Variants in SCARF2 observed in about 807,000 individuals in gnomAD.
SCARF2 encodes scavenger receptor class F member 2.
SCARF2 carries 39 observed loss-of-function variants against 73.4 expected under a neutral mutation model. The ratio of observed to expected loss-of-function variants is 0.53; its 90% CI spans 0.41 to 0.69. SCARF2 has a LOEUF of 0.69. Among genes scored for constraint, SCARF2 ranks in the 30% least tolerant of loss-of-function variants. The pLI is 0.00. For synonymous variants in SCARF2, 605 were observed against 590.0 expected (o/e 1.03, Z -0.37); for missense variants, 1,148 against 1,303.5 (o/e 0.88, Z 1.84).
At position 20,431,075 on chromosome 22, in the gene SCARF2, C is replaced by T. The variant is rs1453251462; in HGVS notation, c.797G>A (p.Gly266Asp). 2.6e-6 allele frequency: 4 copies of T among 1,546,644 alleles called. No individual in the cohort carries two copies. The highest frequency in any genetic ancestry group is 3.5e-6 in the Non-Finnish European group (4 of 1,153,092). ...GTCACEPGYR[G>D]KYCREPCPAG... Reference sequence around the variant, plus strand: ...GGGGCACGGCTCGCGACAGTACTTGCCGCGGTAGCCCGGCTCGCAGGCACA... The same window carrying T: ...GGGGCACGGCTCGCGACAGTACTTGTCGCGGTAGCCCGGCTCGCAGGCACA... Residue 266 changes from glycine (G) to aspartate (D), a missense_variant, in exon 4 of 11, where the codon GGC becomes GAC. Physicochemically the swap from Gly to Asp is moderately conservative, Grantham distance 94. This residue lies in a region of SCARF2 where 372 missense variants were observed against 532.0 expected (regional missense o/e 0.70). Coordinates refer to ENST00000622235, the MANE Select transcript of SCARF2 (RefSeq NM_182895.5).
intron 10 of SCARF2, among the ~76,000 whole-genome samples, chr22:20,426,753 C>G (rs1169066121): frequency 6.6e-6 from 1 of 150,462 alleles, no homozygotes; most frequent in African/African-American, 2.4e-5. Flanking sequence ...ATGGTGAAAC[C>G]CTGTCTCTAC....
At position 20,426,221 on chromosome 22, in the gene SCARF2, C is replaced by A; in HGVS notation, c.1755G>T (p.Pro585=). 6.5e-7 allele frequency: 1 copy of A among 1,532,308 alleles called. No individual in the cohort carries two copies. Among genetic ancestry groups the A allele is most frequent in the Non-Finnish European group, 8.7e-7 (1 of 1,145,492 alleles). 94.9% of individuals were successfully genotyped at this position (1,532,308 alleles called of 1,614,324 possible). Residue 585 remains proline, a synonymous_variant, in exon 11 of 11, where the codon CCG becomes CCT. Transcript: ENST00000622235. Reference sequence around the variant, plus strand: ...CTGGCGTGGTCAAGGGCACAGGGGACGGCGCCGGCGCCTCGGCAGGGACAG... The same window carrying A: ...CTGGCGTGGTCAAGGGCACAGGGGAAGGCGCCGGCGCCTCGGCAGGGACAG... ...VPTVPAEAPA[P]SPVPLTTPAS...
Position 20,429,524 on chromosome 22 carries a change from A to G in SCARF2, c.1424+12T>C. ...TGAACCCAGGCGAAAGCGGGGCAGT[A>G]TCTGGGCTCACCGGCGCGTAGGGTC... On this transcript the variant is annotated intron_variant, in intron 8 of 10. Transcript: ENST00000622235. This position sits in a 1 kb window ranked among gnomAD's most constrained non-coding sequence, Gnocchi z 5.2. The G allele has an allele frequency of 1.2e-6, 2 of 1,612,056 alleles. No individual in the cohort carries two copies. Among genetic ancestry groups the G allele is most frequent in the Non-Finnish European group, 1.7e-6 (2 of 1,179,562 alleles).
chr22:20,425,695 G>C lies in SCARF2; in HGVS notation c.2281C>G (p.Arg761Gly). The C allele has an allele frequency of 8.1e-7, 1 of 1,232,642 alleles. No individual in the cohort carries two copies. Among genetic ancestry groups the C allele is most frequent in the East Asian group, 3.2e-5 (1 of 30,788 alleles). The allele number at this position is 1,232,642 out of a possible 1,614,324, so 76.4% of individuals were successfully genotyped here. Residue 761 changes from arginine to glycine, a missense_variant, in exon 11 of 11, where the codon CGA (arginine) becomes GGA (glycine). Physicochemically the swap from Arg to Gly is moderately radical, Grantham distance 125 (BLOSUM62 -2). This residue lies in a region of SCARF2 where 46 missense variants were observed against 80.6 expected (regional missense o/e 0.57). Coordinates refer to ENST00000622235, the MANE Select transcript of SCARF2 (RefSeq NM_182895.5). This position sits in a 1 kb window ranked among gnomAD's most constrained non-coding sequence, Gnocchi z 4.6. Reference sequence around the variant, plus strand: ...ATGGAGGCAGCCTCGGGCGCGCTTCGCGGGGGACCGCCGGCGTCCGTGGGC... The same window carrying C: ...ATGGAGGCAGCCTCGGGCGCGCTTCCCGGGGGACCGCCGGCGTCCGTGGGC... ...LEPTDAGGPPRSAPEAASMLA... is the reference protein window; with the variant it reads ...LEPTDAGGPPGSAPEAASMLA...
At position 20,434,339 on chromosome 22, in the gene SCARF2, G is replaced by A. The variant is rs551697999; in HGVS notation, c.174-2351C>T. ...GAGAGAGAGAGAGACAGAGAAAGAC[G>A]ACAGAGAGAAAGAGAGCGCGCGCCA... On this transcript the variant is annotated intron_variant, in intron 1 of 10. Coordinates refer to ENST00000622235, the MANE Select transcript of SCARF2 (RefSeq NM_182895.5). Among the ~76,000 whole-genome samples, 27 of 152,226 alleles carry A rather than the reference G, an allele frequency of 1.8e-4. 1 individual carries two copies. Among genetic ancestry groups the A allele is most frequent in the African/African-American group, 6.0e-4 (25 of 41,536 alleles).
chr22:20,424,994 TGCCTCTG>T lies in SCARF2; in HGVS notation c.*374_*380del. ...GGGGGAGAGGCAGCCCGGGCAGAAGTGCCTCTGGCTGCAACCAATGAGAAGGTAGCCC... is the reference window on the plus strand; with the variant it reads ...GGGGGAGAGGCAGCCCGGGCAGAAGTGCTGCAACCAATGAGAAGGTAGCCC... On this transcript the variant is annotated 3_prime_UTR_variant, in exon 11 of 11. Transcript: ENST00000622235. 5.2e-6 allele frequency: 1 copy of T among 192,026 alleles called. No individual in the cohort carries two copies. Among genetic ancestry groups the T allele is most frequent in the Non-Finnish European group, 1.1e-5 (1 of 94,152 alleles). 11.9% of individuals were successfully genotyped at this position (192,026 alleles called of 1,614,324 possible).
Position 20,425,912 on chromosome 22 carries a change from G to A in SCARF2, c.2064C>T (p.Ser688=). 3 of 1,597,888 alleles carry A rather than the reference G, an allele frequency of 1.9e-6. No homozygotes were observed. The highest frequency in any genetic ancestry group is 2.6e-6 in the Non-Finnish European group (3 of 1,175,320). The change falls in exon 11 of 11, where the codon TCC becomes TCT. Residue 688 remains serine, a synonymous_variant. Transcript: ENST00000622235. This position sits in a 1 kb window ranked among gnomAD's most constrained non-coding sequence, Gnocchi z 4.6. The stretch of plus-strand genomic sequence containing the variant: ...TCTTGCTGGGGCTGGGCGCGGCCTC[G>A]GAGCCTGGCGGCGGTGGTGAGGGCG... ...GRAPSPPPPG[S]EAAPSPSKRK...
In SCARF2 at chr22:20,425,172, C is replaced by T. The variant is rs1323952124; in HGVS notation, c.*203G>A. On this transcript the variant is annotated 3_prime_UTR_variant, in exon 11 of 11. Coordinates refer to ENST00000622235, the MANE Select transcript of SCARF2 (RefSeq NM_182895.5). The surrounding 1 kb of genome is among the most constrained non-coding windows in gnomAD (Gnocchi z 4.6). The stretch of plus-strand genomic sequence containing the variant: ...CCGCTAAGCGCCTGTCAGGCCTCGA[C>T]CAACGGGATGGGCCCTTCCCGCCAG... 6 of 424,300 alleles carry T rather than the reference C, an allele frequency of 1.4e-5. No individual in the cohort carries two copies. The highest frequency in any genetic ancestry group is 2.4e-5 in the Non-Finnish European group (6 of 250,400). 26.3% of individuals were successfully genotyped at this position (424,300 alleles called of 1,614,324 possible). A position where few individuals can be genotyped will look rare whatever the true frequency, so the allele number is the denominator to read the frequency against.
Position 20,426,067 on chromosome 22 carries a change from G to T in SCARF2, c.1909C>A (p.Arg637=). 6.4e-7 allele frequency: 1 copy of T among 1,552,692 alleles called. No homozygotes were observed. Among genetic ancestry groups the T allele is most frequent in the Admixed American group, 1.9e-5 (1 of 53,200 alleles). ...ARREARPARA[R]GEIGGLSLSP... Reference sequence around the variant, plus strand: ...AGCGACAGGCCCCCAATCTCGCCCCGGGCCCGGGCCGGCCGGGCCTCGCGT... The same window carrying T: ...AGCGACAGGCCCCCAATCTCGCCCCTGGCCCGGGCCGGCCGGGCCTCGCGT... The change falls in exon 11 of 11, where the codon CGG becomes AGG. Residue 637 remains arginine (R), a synonymous_variant. Coordinates refer to ENST00000622235, the MANE Select transcript of SCARF2 (RefSeq NM_182895.5).
At chr22:20,433,458 G>A (rs1192200675) in intron 1 of SCARF2, among the ~76,000 whole-genome samples, 3 of 152,152 alleles carry the variant, frequency 2.0e-5, no homozygotes, top group Admixed American at 1.3e-4. Flanking sequence ...GGGATAGACT[G>A]GCCCTACACC....
Position 20,425,878 on chromosome 22 carries a change from T to C in SCARF2, c.2098A>G (p.Thr700Ala). The C allele has an allele frequency of 6.3e-7, 1 of 1,597,296 alleles. No homozygotes were observed. The highest frequency in any genetic ancestry group is 8.5e-7 in the Non-Finnish European group (1 of 1,174,998). ...GTATGCGCCGATTTGTCGCTGGGCG[T>C]CCGTTTCCTCTTGCTGGGGCTGGGC... The part of the protein sequence containing the change: ...AAPSPSKRKR[T>A]PSDKSAHTVE... Residue 700 changes from threonine (T) to alanine (A), a missense_variant, in exon 11 of 11, where the codon ACG becomes GCG. By Grantham distance (58) the Thr-to-Ala change is moderately conservative. Transcript: ENST00000622235. This position sits in a 1 kb window ranked among gnomAD's most constrained non-coding sequence, Gnocchi z 4.6.
At chr22:20,437,545 C>G in intron 1 of SCARF2, 37 bp downstream of exon 1, 5 of 1,551,582 alleles carry the variant, frequency 3.2e-6, no homozygotes, top group Non-Finnish European at 4.3e-6. Flanking sequence ...CCCAGAGCGT[C>G]CCTCTCGCCC....
chr22:20,437,140 C>T (rs951866014), intron 1 of SCARF2, among the ~76,000 whole-genome samples: 1 of 152,188 alleles, frequency 6.6e-6, no homozygotes, highest in Non-Finnish European at 1.5e-5. Context: ...CAGGACCTCC[C>T]CGGCTAGCAC....
chr22:20,433,666 T>C (rs1385094777), intron 1 of SCARF2, among the ~76,000 whole-genome samples: 1 of 152,204 alleles, frequency 6.6e-6, no homozygotes, highest in Non-Finnish European at 1.5e-5. Context: ...TCTCAAACTT[T>C]GGGGAATTGG....
At chr22:20,430,137 C>CAG (rs1351046718) in intron 6 of SCARF2, among the ~76,000 whole-genome samples, 1 of 152,198 alleles carries the variant, frequency 6.6e-6, no homozygotes, top group Middle Eastern at 3.2e-3. Context: ...GCTGCTGAAC[C>CAG]AGACCCTTGG....
At position 20,424,984 on chromosome 22, in the gene SCARF2, C is replaced by T. The variant is rs754652438; in HGVS notation, c.*391G>A. 2 of 181,088 alleles carry T rather than the reference C, an allele frequency of 1.1e-5. No homozygotes were observed. The highest frequency in any genetic ancestry group is 1.3e-4 in the East Asian group (1 of 7,472). 11.2% of individuals were successfully genotyped at this position (181,088 alleles called of 1,614,324 possible). On this transcript the variant is annotated 3_prime_UTR_variant, in exon 11 of 11. Transcript: ENST00000622235. ...AGGCCCTAGCGGGGGAGAGGCAGCC[C>T]GGGCAGAAGTGCCTCTGGCTGCAAC...
At chr22:20,433,330 A>G (rs761704948) in intron 1 of SCARF2, among the ~76,000 whole-genome samples, 3 of 152,198 alleles carry the variant, frequency 2.0e-5, no homozygotes, top group Non-Finnish European at 4.4e-5. Context: ...AGCCATTCGC[A>G]CTTTAGAGAA....
At position 20,429,561 on chromosome 22, in the gene SCARF2, A is replaced by G; in HGVS notation, c.1399T>C (p.Cys467Arg). ...LLSLLGCCCA[C>R]RGKDPTRREL... is the part of the protein sequence containing the mutation. ...CGGCGCGTAGGGTCCTTGCCGCGGC[A>G]AGCGCAGCAGCAGCCGAGCAGCGAG... Residue 467 changes from cysteine to arginine, a missense_variant, in exon 8 of 11, where the codon TGC (cysteine) becomes CGC (arginine). Physicochemically the swap from Cys to Arg is radical, Grantham distance 180. Transcript: ENST00000622235. The surrounding 1 kb of genome is among the most constrained non-coding windows in gnomAD (Gnocchi z 5.2). 6.2e-7 allele frequency: 1 copy of G among 1,613,078 alleles called. No individual in the cohort carries two copies. The highest frequency in any genetic ancestry group is 1.1e-5 in the South Asian group (1 of 91,052).
intron 1 of SCARF2, among the ~76,000 whole-genome samples, chr22:20,433,300 C>T (rs1026179407): frequency 2.0e-5 from 3 of 152,136 alleles, no homozygotes; most frequent in Admixed American, 6.5e-5. Flanking sequence ...AACTTCGCCT[C>T]GATCCTAAAG....
Sources: allele counts gnomAD v4.1 joint callset (sites outside exome capture counted in the v4.1 genomes callset), GRCh38; gene constraint gnomAD v4.1.1; regional missense constraint gnomAD v4.1.1; non-coding constraint Gnocchi (gnomAD v3.1); transcripts MANE v1.5; gene names NCBI Gene and HGNC (gene_info 2026-07-23, HGNC 2026-07-21).